HYAL3: variants seen among roughly 807,000 people sequenced by gnomAD.
HYAL3 encodes hyaluronidase-3.
In HYAL3, 25 loss-of-function variants were observed where a neutral mutation model predicts 29.6. That is an observed-to-expected ratio of 0.85 (90% confidence interval 0.62 to 1.18). HYAL3 has a LOEUF of 1.18. Ranked by LOEUF, HYAL3 falls within the 50% of genes most tolerant of loss-of-function variation. The probability of loss-of-function intolerance (pLI) is 0.00; values close to 1 mark genes in which losing one functional copy is unlikely to be tolerated. For synonymous variants in HYAL3, 215 were observed against 218.3 expected (o/e 0.99, Z 0.13); for missense variants, 442 against 548.4 (o/e 0.81, Z 1.94).
Position 50,295,192 on chromosome 3 carries a change from C to T in HYAL3, c.411G>A (p.Gly137=), listed in dbSNP as rs1159170681. 2 of 1,613,298 alleles carry T rather than the reference C, an allele frequency of 1.2e-6. No individual in the cohort carries two copies. The highest frequency in any genetic ancestry group is 2.7e-5 in the African/African-American group (2 of 74,932). ...DWEEWCPLWA[G]NWGRRRAYQA... Reference sequence around the variant, plus strand: ...GATAAGCTCGGCGGCGGCCCCAGTTCCCAGCCCAGAGTGGACACCACTCCT... The same window carrying T: ...GATAAGCTCGGCGGCGGCCCCAGTTTCCAGCCCAGAGTGGACACCACTCCT... Residue 137 remains glycine, a synonymous_variant, in exon 2 of 4, where the codon GGG becomes GGA. Transcript: ENST00000336307.
chr3:50,295,475 TCA>T lies in HYAL3; in HGVS notation c.126_127del (p.Cys42Ter). ...TGGCAGGTGCACACCAAAGCGGGCC[TCA>T]CAGTGTGCTGAGGGTACATTCCACA... is the stretch of plus-strand genomic sequence containing the variant. On this transcript the variant is annotated stop_gained and frameshift_variant, in exon 2 of 4. Coordinates refer to ENST00000336307, the MANE Select transcript of HYAL3 (RefSeq NM_003549.4). LOFTEE classifies it high-confidence loss of function. The T allele has an allele frequency of 6.2e-7, 1 of 1,613,364 alleles. No homozygotes were observed. Among genetic ancestry groups the T allele is most frequent in the Non-Finnish European group, 8.5e-7 (1 of 1,179,846 alleles).
In HYAL3 at chr3:50,296,260, G is replaced by C. The variant is rs1050700218; in HGVS notation, c.-17-641C>G. ...GCCACCCTGTCTCCTGAGCCAGGTGGGGGGTAAAGGCAAAGGACAGGCATC... is the reference window on the plus strand; with the variant it reads ...GCCACCCTGTCTCCTGAGCCAGGTGCGGGGTAAAGGCAAAGGACAGGCATC... On this transcript the variant is annotated intron_variant, in intron 1 of 3. Coordinates refer to ENST00000336307, the MANE Select transcript of HYAL3 (RefSeq NM_003549.4). 8 of 330,966 alleles carry C rather than the reference G, an allele frequency of 2.4e-5. No homozygotes were observed. In the Admixed American group the frequency reaches 3.1e-4, roughly 13 times the overall value. 20.5% of individuals were successfully genotyped at this position (330,966 alleles called of 1,614,324 possible). A position where few individuals can be genotyped will look rare whatever the true frequency, so the allele number is the denominator to read the frequency against.
Position 50,293,670 on chromosome 3 carries a change from C to T in HYAL3, c.946G>A (p.Val316Met), listed in dbSNP as rs148220193. 130 of 1,613,822 alleles carry T rather than the reference C, an allele frequency of 8.1e-5. No individual in the cohort carries two copies. The African/African-American group carries it at 1.0e-3, about 12-fold the overall frequency. ...AGGCTCAGGTCCCCCCAGAGCACCA[C>T]GCCGGCTGCCCCTAGTGCTGCACTC... ...GVSAALGAAGVVLWGDLSLSS... is the reference protein window; with the variant it reads ...GVSAALGAAGMVLWGDLSLSS... Residue 316 changes from valine to methionine, a missense_variant, in exon 3 of 4, where the codon GTG (valine) becomes ATG (methionine). Transcript: ENST00000336307.
chr3:50,298,037 A>G, intron 1 of HYAL3: 1 of 985,708 alleles, frequency 1.0e-6, no homozygotes, highest in East Asian at 1.1e-4. Context: ...AGCCGACCCA[A>G]TCTACTTGCT....
rs927026847 is a variant in HYAL3 at position 50,299,045 on chromosome 3, T to C, written c.-18+168A>G. 3.8e-6 allele frequency: 6 copies of C among 1,564,382 alleles called. No homozygotes were observed. In the African/African-American group the frequency reaches 6.7e-5, roughly 18 times the overall value. ...CTAGTGGGTCACAGGCTGTGGAGCT[T>C]TTGGGAATGAGGACTTCGAGAGCTC... On this transcript the variant is annotated intron_variant, in intron 1 of 3. Transcript: ENST00000336307.
At chr3:50,298,111 CA>C (rs1701930428) in intron 1 of HYAL3, 1 of 985,114 alleles carries the variant, frequency 1.0e-6, no homozygotes, top group African/African-American at 1.7e-5. Flanking sequence ...AGATGCAAAG[CA>C]GACACTATAC....
chr3:50,294,623 C>T, intron 2 of HYAL3, 86 bp downstream of exon 2: 1 of 1,215,316 alleles, frequency 8.2e-7, no homozygotes. Flanking sequence ...TTAGGACCAA[C>T]CCCTAGGCAA....
chr3:50,298,227 C>T, intron 1 of HYAL3: 1 of 559,376 alleles, frequency 1.8e-6, no homozygotes, highest in Non-Finnish European at 2.3e-6. Flanking sequence ...AGCTCCCAGC[C>T]TTTTCAACTA....
At chr3:50,296,942 G>T in intron 1 of HYAL3, 1 of 1,606,960 alleles carries the variant, frequency 6.2e-7, no homozygotes, top group South Asian at 1.1e-5. Context: ...CATGGGTGGT[G>T]AGATGCAGCT....
At chr3:50,299,164 C>T in intron 1 of HYAL3, 49 bp downstream of exon 1, 1 of 1,613,944 alleles carries the variant, frequency 6.2e-7, no homozygotes, top group Non-Finnish European at 8.5e-7. Context: ...GGGGACCGCA[C>T]GCGCGGGGTG....
intron 1 of HYAL3, 167 bp from the exon 2 acceptor site, chr3:50,295,786 C>G (rs1188418422): frequency 1.3e-5 from 5 of 390,494 alleles, no homozygotes; most frequent in East Asian, 4.7e-5. Flanking sequence ...AGCAGCCACA[C>G]CGCAAGCTGG....
rs781790694 is a variant in HYAL3, at chr3:50,295,404, C to T, written c.199G>A (p.Gly67Ser). 1.0e-4 allele frequency: 163 copies of T among 1,614,046 alleles called. No homozygotes were observed. Among genetic ancestry groups the T allele is most frequent in the South Asian group, 3.0e-4 (27 of 91,092 alleles). Residue 67 changes from glycine to serine, a missense_variant, in exon 2 of 4, where the codon GGT (glycine) becomes AGT (serine). Coordinates refer to ENST00000336307, the MANE Select transcript of HYAL3 (RefSeq NM_003549.4). ...IIANRGQHFH[G>S]QNMTIFYKNQ... ...TTGTAGAAAATGGTCATGTTCTGACCGTGAAAATGCTGGCCACGGTTGGCT... is the reference window on the plus strand; with the variant it reads ...TTGTAGAAAATGGTCATGTTCTGACTGTGAAAATGCTGGCCACGGTTGGCT...
chr3:50,296,754 T>C, intron 1 of HYAL3: 1 of 1,605,964 alleles, frequency 6.2e-7, no homozygotes, highest in Non-Finnish European at 8.5e-7. Flanking sequence ...TGGAGGTCCC[T>C]TGGGACCCCT....
rs1559807608 is a variant in HYAL3, at chr3:50,295,085, A to G, written c.518T>C (p.Phe173Ser). Residue 173 changes from phenylalanine (F) to serine (S), a missense_variant, in exon 2 of 4, where the codon TTT becomes TCT. Phe to Ser is a radical substitution (Grantham distance 155). Transcript: ENST00000336307. The part of the protein sequence containing the change: ...QEQLYKAYTG[F>S]EQAARALMED... ...CATCAGTGCACGGGCCGCCTGCTCA[A>G]AGCCAGTATAGGCCTTGTAGAGCTG... The G allele has an allele frequency of 1.2e-6, 2 of 1,613,290 alleles. No homozygotes were observed. Among genetic ancestry groups the G allele is most frequent in the Non-Finnish European group, 8.5e-7 (1 of 1,179,722 alleles).
chr3:50,293,957 C>T (rs782636382), intron 2 of HYAL3, among the ~76,000 whole-genome samples: 15 of 152,106 alleles, frequency 9.9e-5, no homozygotes, highest in Non-Finnish European at 1.9e-4. Context: ...AGTAATCCTC[C>T]CACCTCAGCC....
At position 50,295,292 on chromosome 3, in the gene HYAL3, T is replaced by A; in HGVS notation, c.311A>T (p.His104Leu). 1.2e-6 allele frequency: 2 copies of A among 1,613,982 alleles called. No individual in the cohort carries two copies. The highest frequency in any genetic ancestry group is 1.7e-6 in the Non-Finnish European group (2 of 1,179,984). Reference protein sequence around the residue: ...GIPQALPLDRHLALAAYQIHH... With the variant: ...GIPQALPLDRLLALAAYQIHH... Reference sequence around the variant, plus strand: ...GATCTGGTAGGCAGCCAGTGCCAGGTGGCGGTCAAGGGGCAAAGCCTGGGG... The same window carrying A: ...GATCTGGTAGGCAGCCAGTGCCAGGAGGCGGTCAAGGGGCAAAGCCTGGGG... The change falls in exon 2 of 4, where the codon CAC becomes CTC. Residue 104 changes from histidine (H) to leucine (L), a missense_variant. Coordinates refer to ENST00000336307, the MANE Select transcript of HYAL3 (RefSeq NM_003549.4).
rs781901007 is a variant in HYAL3, at chr3:50,297,455, C to T, written c.-18+1758G>A. ...GCTCAGCTGGGCTGGTACTCAGGAT[C>T]AGCTCCATCCGGTGTGTAGGGTCTA... On this transcript the variant is annotated intron_variant, in intron 1 of 3. Transcript: ENST00000336307. This position sits in a 1 kb window ranked among gnomAD's most constrained non-coding sequence, Gnocchi z 4.3. The T allele has an allele frequency of 9.4e-6, 15 of 1,603,770 alleles. No individual in the cohort carries two copies. The highest frequency in any genetic ancestry group is 8.5e-7 in the Non-Finnish European group (1 of 1,174,284).
intron 2 of HYAL3, 54 bp from the exon 3 acceptor site, chr3:50,293,775 A>G: frequency 7.1e-7 from 1 of 1,415,632 alleles, no homozygotes. Flanking sequence ...CCATGTGGGC[A>G]CACATCCACA....
chr3:50,296,371 A>G, intron 1 of HYAL3: 1 of 569,780 alleles, frequency 1.8e-6, no homozygotes. Context: ...AGGTGAGGGT[A>G]GGGGGATCAA....
Sources: allele counts gnomAD v4.1 joint callset (sites outside exome capture counted in the v4.1 genomes callset), GRCh38; gene constraint gnomAD v4.1.1; non-coding constraint Gnocchi (gnomAD v3.1); transcripts MANE v1.5; gene names NCBI Gene and HGNC (gene_info 2026-07-23, HGNC 2026-07-21).